The following TXLNB variants were observed in gnomAD, a reference collection of about 807,000 sequenced individuals.
The protein encoded by TXLNB is taxilin beta.
In TXLNB, 37 loss-of-function variants were observed where a neutral mutation model predicts 57.4. That is an observed-to-expected ratio of 0.64 (90% CI 0.50 to 0.85). The LOEUF is 0.85. Among genes scored for constraint, TXLNB ranks in the 40% least tolerant of loss-of-function variants. TXLNB has a pLI of 0.00. For synonymous variants in TXLNB, 302 were observed against 309.6 expected (o/e 0.98, Z 0.26); for missense variants, 848 against 825.6 (o/e 1.03, Z -0.33).
chr6:139,281,703 C>T lies in TXLNB; in HGVS notation c.425-4782G>A, dbSNP rs1400351106. ...AGCTGGGACTACAGGCGCCCGCTAC[C>T]ACGCCCGGCTAATTTTTTGTATTTT... is the stretch of plus-strand genomic sequence containing the variant. On this transcript the variant is annotated intron_variant, in intron 2 of 9. Coordinates refer to ENST00000358430, the MANE Select transcript of TXLNB (RefSeq NM_153235.4). Among the ~76,000 whole-genome samples the T allele has an allele frequency of 1.1e-4, 12 of 110,662 alleles. 4 individuals carry two copies. Among genetic ancestry groups the T allele is most frequent in the Non-Finnish European group, 1.7e-4 (10 of 59,498 alleles). 72.6% of individuals were successfully genotyped at this position (110,662 alleles called of 152,430 possible).
the TXLNB span, among the ~76,000 whole-genome samples, chr6:139,190,112 T>C: frequency 6.6e-6 from 1 of 152,210 alleles, no homozygotes; most frequent in Admixed American, 6.5e-5. Flanking sequence ...ACCTGGATCA[T>C]AAGAACTGCC....
chr6:139,266,748 A>G (rs533408819), intron 4 of TXLNB, among the ~76,000 whole-genome samples: 24 of 152,112 alleles, frequency 1.6e-4, no homozygotes, highest in Non-Finnish European at 2.8e-4. Flanking sequence ...CAGATACAAA[A>G]AAGCTTAGCA....
the TXLNB span, among the ~76,000 whole-genome samples, chr6:139,232,206 A>G: frequency 6.6e-6 from 1 of 152,222 alleles, no homozygotes; most frequent in African/African-American, 2.4e-5. Context: ...GGCACATCTT[A>G]CATGGTGGCA....
At chr6:139,188,670 T>A in the TXLNB span, among the ~76,000 whole-genome samples, 1 of 152,270 alleles carries the variant, frequency 6.6e-6, no homozygotes, top group Non-Finnish European at 1.5e-5. Flanking sequence ...TTAATGCATA[T>A]GTAGCACTTT....
rs1777242815 is a variant in TXLNB, at chr6:139,288,879, T to C, written c.21A>G (p.Glu7=). The part of the protein sequence containing the change: MEANHS[E]QLSAERQSTP... ...TTGACTGTCGTTCCGCTGAGAGCTGTTCAGAGTGATTAGCCTCCATCTTGG... is the reference window on the plus strand; with the variant it reads ...TTGACTGTCGTTCCGCTGAGAGCTGCTCAGAGTGATTAGCCTCCATCTTGG... The change falls in exon 2 of 10, where the codon GAA becomes GAG. Residue 7 remains glutamate, a synonymous_variant. Transcript: ENST00000358430. 1 of 1,612,962 alleles carries C rather than the reference T, an allele frequency of 6.2e-7. No individual in the cohort carries two copies. Among genetic ancestry groups the C allele is most frequent in the Non-Finnish European group, 8.5e-7 (1 of 1,179,214 alleles).
rs1354219106 is a variant in TXLNB, at chr6:139,260,335, T to C, written c.985A>G (p.Lys329Glu). The C allele has an allele frequency of 6.2e-7, 1 of 1,614,160 alleles. No individual in the cohort carries two copies. Among genetic ancestry groups the C allele is most frequent in the African/African-American group, 1.3e-5 (1 of 75,048 alleles). ...EMMKEAEERH[K>E]REKEYLLNQA... Reference sequence around the variant, plus strand: ...ATAAATACATATTCCTTTTCTCGTTTGTGTCGCTCCTCCGCTTCCTTCATC... The same window carrying C: ...ATAAATACATATTCCTTTTCTCGTTCGTGTCGCTCCTCCGCTTCCTTCATC... The change falls in exon 6 of 10, where the codon AAA becomes GAA. Residue 329 changes from lysine to glutamate, a missense_variant. Physicochemically the swap from Lys to Glu is moderately conservative, Grantham distance 56 (BLOSUM62 1). Transcript: ENST00000358430.
chr6:139,296,582 T>C (rs1347315173), upstream of TXLNB, among the ~76,000 whole-genome samples: 1 of 152,208 alleles, frequency 6.6e-6, no homozygotes, highest in Non-Finnish European at 1.5e-5. Flanking sequence ...TAACCTCTTC[T>C]CTTTTTCGTC....
At chr6:139,177,140 A>G in the TXLNB span, 5 of 790,678 alleles carry the variant, frequency 6.3e-6, no homozygotes, top group South Asian at 4.4e-5. The surrounding 1 kb of genome is among the most constrained non-coding windows in gnomAD (Gnocchi z 4.9). Context: ...TATTTTATTG[A>G]TATTATTACT....
At chr6:139,301,269 A>T in the TXLNB span, among the ~76,000 whole-genome samples, 1 of 152,210 alleles carries the variant, frequency 6.6e-6, no homozygotes, top group African/African-American at 2.4e-5. Context: ...CAAAATCATT[A>T]AAAAATATGA....
intron 4 of TXLNB, among the ~76,000 whole-genome samples, chr6:139,266,876 A>G (rs2114540370): frequency 6.6e-6 from 1 of 151,844 alleles, no homozygotes; most frequent in East Asian, 1.9e-4. Context: ...GACATATCAC[A>G]TATGGGGGAA....
At chr6:139,306,958 G>A in the TXLNB span, among the ~76,000 whole-genome samples, 3 of 152,172 alleles carry the variant, frequency 2.0e-5, no homozygotes, top group Non-Finnish European at 4.4e-5. Context: ...CTGTGCTTAT[G>A]TAGTTGCTAT....
rs755436203 is a variant in TXLNB at position 139,244,661 on chromosome 6, C to T, written c.1200G>A (p.Lys400=). Residue 400 remains lysine (K), a synonymous_variant, in exon 9 of 10, where the codon AAG becomes AAA. Coordinates refer to ENST00000358430, the MANE Select transcript of TXLNB (RefSeq NM_153235.4). ...KTTKKMKKLE[K]DTATWKARFE... ...ATCGGGCTTTCCATGTGGCTGTGTC[C>T]TTTTCCAGCTTCTTCATTTTCTTAG... The T allele has an allele frequency of 8.1e-6, 13 of 1,613,614 alleles. No homozygotes were observed. The highest frequency in any genetic ancestry group is 1.1e-5 in the Non-Finnish European group (13 of 1,179,684).
the TXLNB span, among the ~76,000 whole-genome samples, chr6:139,188,855 A>T: frequency 6.6e-6 from 1 of 152,202 alleles, no homozygotes; most frequent in East Asian, 1.9e-4. Flanking sequence ...CCAGGGTTCA[A>T]GCAATTCTCC....
chr6:139,266,853 G>C (rs932992614), intron 4 of TXLNB, among the ~76,000 whole-genome samples: 23 of 151,510 alleles, frequency 1.5e-4, no homozygotes, highest in African/African-American at 5.6e-4. Context: ...CCTTGAAAAG[G>C]GCAGAGAAAA....
the TXLNB span, among the ~76,000 whole-genome samples, chr6:139,228,286 C>T: frequency 7.9e-5 from 12 of 152,156 alleles, no homozygotes; most frequent in East Asian, 1.7e-3. Flanking sequence ...GAGGCCGAGG[C>T]GGGTGGATCA....
chr6:139,163,592 G>A, the TXLNB span, among the ~76,000 whole-genome samples: 7 of 152,152 alleles, frequency 4.6e-5, no homozygotes, highest in Admixed American at 2.0e-4. Context: ...GACCTCAGGT[G>A]ATCCACCCGC....
intron 7 of TXLNB, among the ~76,000 whole-genome samples, chr6:139,254,518 G>C (rs1454419339): frequency 6.6e-6 from 1 of 152,214 alleles, no homozygotes; most frequent in Non-Finnish European, 1.5e-5. Context: ...GCCTGTGGCA[G>C]GATGGTACTC....
intron 7 of TXLNB, among the ~76,000 whole-genome samples, chr6:139,250,778 C>T (rs533947995): frequency 6.6e-6 from 1 of 152,216 alleles, no homozygotes; most frequent in South Asian, 2.1e-4. Context: ...ATGTCTGGTC[C>T]ATCTCACAGA....
At chr6:139,188,333 A>G in the TXLNB span, among the ~76,000 whole-genome samples, 1 of 152,204 alleles carries the variant, frequency 6.6e-6, no homozygotes, top group Non-Finnish European at 1.5e-5. Flanking sequence ...ATCTGTCTTA[A>G]TAAGGATGGA....
Sources: allele counts gnomAD v4.1 joint callset (sites outside exome capture counted in the v4.1 genomes callset), GRCh38; gene constraint gnomAD v4.1.1; non-coding constraint Gnocchi (gnomAD v3.1); transcripts MANE v1.5; gene names NCBI Gene and HGNC (gene_info 2026-07-23, HGNC 2026-07-21).